The following TENM2 variants were observed in gnomAD, a reference collection of about 807,000 sequenced individuals.
The protein encoded by TENM2 is teneurin-2.
TENM2 carries 52 observed loss-of-function variants against 245.2 expected under a neutral mutation model. That is an observed-to-expected ratio of 0.21 (90% CI 0.17 to 0.27). The LOEUF is 0.27. TENM2 is among the 10% of genes least tolerant of loss of function. The pLI is 1.00. For synonymous variants in TENM2, 1,363 were observed against 1,438.9 expected (o/e 0.95, Z 1.19); for missense variants, 3,046 against 3,666.8 (o/e 0.83, Z 4.37).
At chr5:167,409,917 G>T (rs1762821692) in intron 2 of TENM2, among the ~76,000 whole-genome samples, 1 of 151,806 alleles carries the variant, frequency 6.6e-6, no homozygotes, top group Admixed American at 6.6e-5. Flanking sequence ...TTTTTTAGAA[G>T]TAAAAGCTTA....
intron 2 of TENM2, among the ~76,000 whole-genome samples, chr5:167,531,585 C>T (rs1771505679): frequency 6.6e-6 from 1 of 151,824 alleles, no homozygotes; most frequent in African/African-American, 2.4e-5. Context: ...ATTTCCAGAA[C>T]TTATTCATCC....
chr5:167,578,730 C>T (rs1323688257), intron 2 of TENM2, among the ~76,000 whole-genome samples: 1 of 152,100 alleles, frequency 6.6e-6, no homozygotes, highest in Non-Finnish European at 1.5e-5. Flanking sequence ...CTCTGAATTG[C>T]CTGTGTTGTC....
intron 11 of TENM2, among the ~76,000 whole-genome samples, chr5:168,125,733 A>G (rs950987169): frequency 6.6e-6 from 1 of 152,004 alleles, no homozygotes; most frequent in African/African-American, 2.4e-5. Flanking sequence ...AAAGAAATGA[A>G]TATTTCATTC....
At chr5:167,170,943 C>G in the TENM2 span, among the ~76,000 whole-genome samples, 2 of 152,196 alleles carry the variant, frequency 1.3e-5, no homozygotes. Context: ...TCTTGGTTAT[C>G]ACTTTTGATT....
At chr5:167,706,847 C>G (rs1758561293) in intron 2 of TENM2, among the ~76,000 whole-genome samples, 1 of 151,648 alleles carries the variant, frequency 6.6e-6, no homozygotes, top group Non-Finnish European at 1.5e-5. Context: ...AGCCCCGTCT[C>G]TACTAAAAAT....
At chr5:167,869,027 G>A (rs1365056424) in intron 2 of TENM2, among the ~76,000 whole-genome samples, 1 of 152,182 alleles carries the variant, frequency 6.6e-6, no homozygotes, top group Non-Finnish European at 1.5e-5. Flanking sequence ...TCAGAGAGGT[G>A]AACTGAGTTG....
intron 7 of TENM2, among the ~76,000 whole-genome samples, chr5:168,084,120 A>G (rs772168920): frequency 3.9e-5 from 6 of 152,214 alleles, no homozygotes; most frequent in Non-Finnish European, 8.8e-5. Context: ...ACTGCATAGT[A>G]TTCCGTGGTG....
intron 2 of TENM2, among the ~76,000 whole-genome samples, chr5:167,584,844 G>A (rs1245537912): frequency 2.0e-5 from 3 of 151,824 alleles, no homozygotes; most frequent in African/African-American, 4.8e-5. Context: ...ACAGGCGCCC[G>A]CCACCACGCC....
chr5:167,487,427 A>G (rs2127537996), intron 2 of TENM2, among the ~76,000 whole-genome samples: 1 of 152,132 alleles, frequency 6.6e-6, no homozygotes, highest in Non-Finnish European at 1.5e-5. Flanking sequence ...GTATGCTTGT[A>G]TATGTATGTT....
intron 2 of TENM2, among the ~76,000 whole-genome samples, chr5:167,769,987 A>T (rs1462051228): frequency 1.3e-5 from 2 of 152,178 alleles, no homozygotes; most frequent in Non-Finnish European, 2.9e-5. Flanking sequence ...CACATGGGAA[A>T]TTCAAAGCTA....
At chr5:167,924,950 G>A (rs1410859225) in intron 3 of TENM2, among the ~76,000 whole-genome samples, 1 of 152,078 alleles carries the variant, frequency 6.6e-6, no homozygotes. Context: ...GTATAAACTG[G>A]TACAACCATT....
chr5:167,794,087 A>T lies in TENM2; in HGVS notation c.503-81899A>T, dbSNP rs560096801. Among the ~76,000 whole-genome samples the T allele has an allele frequency of 5.0e-4, 76 of 152,132 alleles. 2 individuals are homozygous for T. Among genetic ancestry groups the T allele is most frequent in the African/African-American group, 1.8e-3 (74 of 41,526 alleles). On this transcript the variant is annotated intron_variant, in intron 2 of 28. Transcript: ENST00000518659. The stretch of plus-strand genomic sequence containing the variant: ...TCCCCAACAATTATTATTCCTGAAT[A>T]TTTAAATTCTATTTCTATCCACCTA...
At chr5:167,539,014 A>G (rs1448858242) in intron 2 of TENM2, among the ~76,000 whole-genome samples, 1 of 152,156 alleles carries the variant, frequency 6.6e-6, no homozygotes, top group Non-Finnish European at 1.5e-5. Context: ...TCTCATCGTC[A>G]TTATGTTTCA....
chr5:167,669,964 G>C (rs951548328), intron 2 of TENM2, among the ~76,000 whole-genome samples: 1 of 151,962 alleles, frequency 6.6e-6, no homozygotes, highest in African/African-American at 2.4e-5. Context: ...TCTGAGTATA[G>C]CTGCTAAAGA....
rs777978657 is a variant in TENM2, at chr5:168,218,142, A to T, written c.4251A>T (p.Pro1417=). ...ATCCACAGGTTCGTCTGGAGTGGCC[A>T]ACAGACCTTGCTGTCAATCCCATGG... Residue 1417 remains proline, a synonymous_variant, in exon 23 of 29, where the codon CCA becomes CCT. Transcript: ENST00000518659. This position sits in a 1 kb window ranked among gnomAD's most constrained non-coding sequence, Gnocchi z 5.2. 6.2e-6 allele frequency: 10 copies of T among 1,612,992 alleles called. No individual in the cohort carries two copies. Among genetic ancestry groups the T allele is most frequent in the Non-Finnish European group, 8.5e-6 (10 of 1,179,234 alleles).
rs1055377596 is a variant in TENM2 at position 167,573,909 on chromosome 5, GA to G, written c.502+198445del. 2.6e-3 allele frequency: 389 copies of G among 147,758 alleles called. 2 individuals are homozygous for G. The highest frequency in any genetic ancestry group is 4.3e-3 in the Non-Finnish European group (286 of 66,746). 9.2% of individuals were successfully genotyped at this position (147,758 alleles called of 1,614,324 possible). On this transcript the variant is annotated intron_variant, in intron 2 of 28. Coordinates refer to ENST00000518659, the Ensembl canonical transcript of TENM2. ...AAAAAAGAAAAGAAAAAAAAAGAAAGAAAAAAAAAGGCGGGGGGTGGACTTA... is the reference window on the plus strand; with the variant it reads ...AAAAAAGAAAAGAAAAAAAAAGAAAGAAAAAAAAGGCGGGGGGTGGACTTA...
At chr5:168,092,846 A>T (rs1237961476) in intron 8 of TENM2, among the ~76,000 whole-genome samples, 5 of 152,224 alleles carry the variant, frequency 3.3e-5, no homozygotes, top group African/African-American at 1.2e-4. Flanking sequence ...AAGAATTCAG[A>T]GAAGTGGTTC....
At chr5:167,029,148 G>C in the TENM2 span, among the ~76,000 whole-genome samples, 1 of 151,908 alleles carries the variant, frequency 6.6e-6, no homozygotes, top group African/African-American at 2.4e-5. Flanking sequence ...TAATTGTATG[G>C]CTTATATATC....
intron 5 of TENM2, among the ~76,000 whole-genome samples, chr5:168,046,550 A>G (rs1386659097): frequency 6.6e-6 from 1 of 152,202 alleles, no homozygotes; most frequent in Non-Finnish European, 1.5e-5. Flanking sequence ...TAAGTTTGCT[A>G]AACTCATGGT....
Sources: gnomAD v4.1 joint callset for allele counts (sites outside exome capture counted in the v4.1 genomes callset) on GRCh38, gnomAD v4.1.1 for gene constraint, Gnocchi (gnomAD v3.1) non-coding constraint, MANE v1.5 for transcripts, NCBI Gene and HGNC (gene_info 2026-07-23, HGNC 2026-07-21) for gene names.